KCNT2: variants seen among roughly 807,000 people sequenced by gnomAD.
KCNT2 encodes the protein potassium channel subfamily T member 2.
KCNT2 carries 67 observed loss-of-function variants against 153.8 expected under a neutral mutation model. The observed-to-expected ratio is 0.44, with a 90% CI of 0.36 to 0.53. The LOEUF (loss-of-function observed/expected upper bound fraction) is 0.53. Among genes scored for constraint, KCNT2 ranks in the 20% least tolerant of loss-of-function variants. The pLI is 0.00. For missense variants in KCNT2, 975 were observed against 1,354.8 expected, an observed-to-expected ratio of 0.72 and a Z score of 4.40; for synonymous variants, 500 against 458.8, an observed-to-expected ratio of 1.09 and a Z score of -1.15.
intron 23 of KCNT2, among the ~76,000 whole-genome samples, chr1:196,285,023 G>GA (rs1000798138): frequency 2.0e-5 from 3 of 152,108 alleles, no homozygotes; most frequent in African/African-American, 7.2e-5. Flanking sequence ...ACTTGAATCA[G>GA]AAAAAATGAG....
chr1:196,520,932 G>C (rs1320867656), intron 1 of KCNT2, among the ~76,000 whole-genome samples: 4 of 152,206 alleles, frequency 2.6e-5, no homozygotes, highest in African/African-American at 9.6e-5. Flanking sequence ...CACAACAAAA[G>C]CAAAAATTGA....
chr1:196,539,236 A>G (rs1656012802), intron 1 of KCNT2, among the ~76,000 whole-genome samples: 1 of 152,224 alleles, frequency 6.6e-6, no homozygotes, highest in Admixed American at 6.5e-5. Flanking sequence ...TTTGGAAAAC[A>G]AAGCATACAG....
chr1:196,567,950 A>G (rs941139652), intron 1 of KCNT2, among the ~76,000 whole-genome samples: 1 of 152,186 alleles, frequency 6.6e-6, no homozygotes, highest in African/African-American at 2.4e-5. Context: ...AATTCTTAGC[A>G]GCTCTAATAT....
chr1:196,231,620 G>T (rs1353360720), intron 27 of KCNT2, among the ~76,000 whole-genome samples: 1 of 151,852 alleles, frequency 6.6e-6, no homozygotes, highest in Non-Finnish European at 1.5e-5. Flanking sequence ...AGGCTTCAGA[G>T]AAGATTTAGG....
At chr1:196,371,691 G>T (rs764979960) in intron 14 of KCNT2, among the ~76,000 whole-genome samples, 12 of 151,964 alleles carry the variant, frequency 7.9e-5, no homozygotes, top group Non-Finnish European at 1.3e-4. Flanking sequence ...GTTGGGAAAC[G>T]TCTTATTCTA....
At chr1:196,262,267 G>T (rs557669619) in intron 25 of KCNT2, among the ~76,000 whole-genome samples, 2 of 151,854 alleles carry the variant, frequency 1.3e-5, no homozygotes, top group East Asian at 3.9e-4. Flanking sequence ...CACGTCATAG[G>T]TTATTGAGCA....
chr1:196,316,341 A>G (rs185604502), intron 20 of KCNT2, among the ~76,000 whole-genome samples: 1 of 151,850 alleles, frequency 6.6e-6, no homozygotes, highest in East Asian at 1.9e-4. Context: ...GCAATAAAAT[A>G]GAGCATATTA....
intron 11 of KCNT2, among the ~76,000 whole-genome samples, chr1:196,424,214 A>T (rs746337567): frequency 2.6e-4 from 40 of 151,902 alleles, no homozygotes; most frequent in Non-Finnish European, 3.8e-4. Context: ...AATTAGTTAC[A>T]TTAATCCTAA....
intron 13 of KCNT2, among the ~76,000 whole-genome samples, chr1:196,388,662 G>GCC (rs1670215934): frequency 6.6e-6 from 1 of 151,374 alleles, no homozygotes; most frequent in African/African-American, 2.4e-5. Flanking sequence ...AATTTTAAAG[G>GCC]TTATATTTAA....
intron 1 of KCNT2, among the ~76,000 whole-genome samples, chr1:196,562,123 G>A (rs904545409): frequency 7.2e-5 from 11 of 151,832 alleles, no homozygotes; most frequent in Admixed American, 3.3e-4. Flanking sequence ...ACCTGGAAAG[G>A]GAATGGAATT....
chr1:196,284,214 G>C lies in KCNT2; in HGVS notation c.2697+1443C>G, dbSNP rs555323913. Among the ~76,000 whole-genome samples the C allele has an allele frequency of 4.6e-3, 285 of 61,406 alleles. 2 individuals carry two copies. Among genetic ancestry groups the C allele is most frequent in the Admixed American group, 0.01 (43 of 4,254 alleles). The allele number at this position is 61,406 out of a possible 152,430, so 40.3% of individuals were successfully genotyped here. ...CCACCGCCCTCTAGACTGGGCGACA[G>C]AGCAAGACTCTGTCTTAAAAAAAAA... On this transcript the variant is annotated intron_variant, in intron 23 of 27. Transcript: ENST00000294725.
intron 8 of KCNT2, among the ~76,000 whole-genome samples, chr1:196,459,240 C>G (rs527735795): frequency 7.9e-5 from 12 of 151,666 alleles, no homozygotes; most frequent in South Asian, 2.1e-4. Flanking sequence ...AATTTGGGGT[C>G]AATATACTTT....
chr1:196,594,538 G>A (rs569475721), intron 1 of KCNT2, among the ~76,000 whole-genome samples: 13 of 152,062 alleles, frequency 8.5e-5, no homozygotes, highest in South Asian at 2.1e-4. Flanking sequence ...GACTACTTGC[G>A]TTAAATAATG....
At chr1:196,352,543 G>T (rs1488300558) in intron 14 of KCNT2, among the ~76,000 whole-genome samples, 1 of 152,172 alleles carries the variant, frequency 6.6e-6, no homozygotes, top group Non-Finnish European at 1.5e-5. Context: ...TGTGGGATCA[G>T]TGGTGATATT....
chr1:196,401,210 T>G lies in KCNT2; in HGVS notation c.1186-2539A>C, dbSNP rs536054178. Among the ~76,000 whole-genome samples, 11 of 151,928 alleles carry G rather than the reference T, an allele frequency of 7.2e-5. No individual in the cohort carries two copies. The East Asian group carries it at 2.1e-3, about 30-fold the overall frequency. The stretch of plus-strand genomic sequence containing the variant: ...TATTTTGAGTTTAAGCAACTTAGCC[T>G]CTGCTAAAATGAGAGCACTAACATT... On this transcript the variant is annotated intron_variant, in intron 12 of 27. Transcript: ENST00000294725.
chr1:196,258,304 T>C lies in KCNT2; in HGVS notation c.3101A>G (p.Glu1034Gly). The change falls in exon 26 of 28, where the codon GAA becomes GGA. Residue 1034 changes from glutamate (E) to glycine (G), a missense_variant. Glu to Gly is a moderately conservative substitution (Grantham distance 98, BLOSUM62 -2). Transcript: ENST00000294725. ...GTTCAGTCGCTGCTGGGTTATTTTT[T>C]CAGCTGTTTTACCAGAGTGTTTTGG... ...KGPKHSGKTA[E>G]KITQQRLNLY... The C allele has an allele frequency of 6.2e-7, 1 of 1,614,086 alleles. No individual in the cohort carries two copies.
intron 12 of KCNT2, among the ~76,000 whole-genome samples, chr1:196,409,073 G>GTTT (rs576595192): frequency 7.1e-6 from 1 of 140,284 alleles, no homozygotes. Context: ...ACATTTAGGA[G>GTTT]TTTTTTTTTT....
intron 12 of KCNT2, among the ~76,000 whole-genome samples, chr1:196,412,366 A>G (rs1289274780): frequency 6.6e-6 from 1 of 151,764 alleles, no homozygotes; most frequent in Non-Finnish European, 1.5e-5. Context: ...TGGTATGTCC[A>G]TGTTTGGGGT....
intron 22 of KCNT2, among the ~76,000 whole-genome samples, chr1:196,287,823 G>T (rs1659811480): frequency 2.6e-5 from 4 of 152,068 alleles, no homozygotes; most frequent in Admixed American, 6.6e-5. Context: ...ATTATGTGTT[G>T]AATATGGGCC....
Sources: gnomAD v4.1 joint callset for allele counts (sites outside exome capture counted in the v4.1 genomes callset) on GRCh38, gnomAD v4.1.1 for gene constraint, MANE v1.5 for transcripts, NCBI Gene and HGNC (gene_info 2026-07-23, HGNC 2026-07-21) for gene names.